Variants in NCALD observed in about 807,000 individuals in gnomAD.
NCALD encodes the protein neurocalcin-delta.
In NCALD, 10 loss-of-function variants were observed where a neutral mutation model predicts 18.6. That is an observed-to-expected ratio of 0.54 (90% confidence interval 0.33 to 0.91). The LOEUF is 0.91. Ranked by LOEUF, NCALD falls within the 40% of genes least tolerant of loss-of-function variation. NCALD has a pLI of 0.03. For synonymous variants in NCALD, 88 were observed against 87.4 expected, an observed-to-expected ratio of 1.01 and a Z score of -0.04; for missense variants, 184 against 247.6, an observed-to-expected ratio of 0.74 and a Z score of 1.72.
At chr8:102,058,597 G>A (rs764188940) in intron 1 of NCALD, among the ~76,000 whole-genome samples, 1 of 152,184 alleles carries the variant, frequency 6.6e-6, no homozygotes, top group Non-Finnish European at 1.5e-5. Context: ...CCATTTCTCA[G>A]CTGTACTCTC....
intron 1 of NCALD, among the ~76,000 whole-genome samples, chr8:102,076,409 A>G (rs1484553479): frequency 2.6e-5 from 4 of 152,216 alleles, no homozygotes; most frequent in Admixed American, 2.0e-4. Flanking sequence ...TACCGGTTAT[A>G]ACAGAAAGCC....
intron 4 of NCALD, among the ~76,000 whole-genome samples, chr8:101,862,227 T>G (rs1296891627): frequency 6.6e-6 from 1 of 152,226 alleles, no homozygotes; most frequent in Non-Finnish European, 1.5e-5. Flanking sequence ...ATGAATAAAA[T>G]TATAAAAATT....
At chr8:101,713,797 C>G (rs1170727420) in intron 2 of NCALD, among the ~76,000 whole-genome samples, 1 of 152,056 alleles carries the variant, frequency 6.6e-6, no homozygotes, top group African/African-American at 2.4e-5. Context: ...TGATAGCCTA[C>G]CAACAAAAAA....
At chr8:102,000,398 G>A (rs1366339795) in intron 2 of NCALD, among the ~76,000 whole-genome samples, 1 of 152,248 alleles carries the variant, frequency 6.6e-6, no homozygotes, top group Non-Finnish European at 1.5e-5. Flanking sequence ...AATCTGGGTA[G>A]AGCCCACTGC....
chr8:101,745,056 C>A (rs1432378425), intron 1 of NCALD, among the ~76,000 whole-genome samples: 1 of 150,064 alleles, frequency 6.7e-6, no homozygotes, highest in Non-Finnish European at 1.5e-5. Context: ...GTGGGGGGGA[C>A]TATTCATTTC....
chr8:101,980,332 T>G (rs1008378507), intron 2 of NCALD, among the ~76,000 whole-genome samples: 1 of 152,182 alleles, frequency 6.6e-6, no homozygotes, highest in African/African-American at 2.4e-5. Context: ...GGGGGAGGCA[T>G]GCACAGTGCA....
At position 101,689,852 on chromosome 8, in the gene NCALD, T is replaced by C. The variant is rs1456968892; in HGVS notation, c.485-446A>G. Among the ~76,000 whole-genome samples, 2 of 152,226 alleles carry C rather than the reference T, an allele frequency of 1.3e-5. No individual in the cohort carries two copies. The highest frequency in any genetic ancestry group is 1.3e-4 in the Admixed American group (2 of 15,284). On this transcript the variant is annotated intron_variant, in intron 3 of 3. Transcript: ENST00000220931. This position sits in a 1 kb window ranked among gnomAD's most constrained non-coding sequence, Gnocchi z 4.4. Reference sequence around the variant, plus strand: ...GTTCCCATAATGTTCCCTGGAGCCTTCTGAGCCACTTCGTGTTCTTCAGGC... The same window carrying C: ...GTTCCCATAATGTTCCCTGGAGCCTCCTGAGCCACTTCGTGTTCTTCAGGC...
intron 2 of NCALD, among the ~76,000 whole-genome samples, chr8:101,701,656 T>G (rs182520234): frequency 6.6e-6 from 1 of 152,210 alleles, no homozygotes; most frequent in South Asian, 2.1e-4. Flanking sequence ...GGTTGTGCAA[T>G]TAACTGAGGG....
At chr8:101,933,317 G>C (rs924702527) in intron 2 of NCALD, among the ~76,000 whole-genome samples, 2 of 152,172 alleles carry the variant, frequency 1.3e-5, no homozygotes, top group African/African-American at 4.8e-5. Flanking sequence ...AGCCATCAGA[G>C]TCAGGGGAGA....
chr8:101,761,784 A>G (rs1441634971), intron 1 of NCALD, among the ~76,000 whole-genome samples: 1 of 152,228 alleles, frequency 6.6e-6, no homozygotes, highest in Non-Finnish European at 1.5e-5. Context: ...TGGCTTAAGC[A>G]TGGCCAGGTG....
chr8:101,921,699 AT>A (rs1818171090), intron 2 of NCALD, among the ~76,000 whole-genome samples: 1 of 152,232 alleles, frequency 6.6e-6, no homozygotes, highest in Non-Finnish European at 1.5e-5. Context: ...AATTATAGCT[AT>A]TAATTTATTT....
chr8:102,105,675 C>T lies in NCALD; in HGVS notation c.-210+18562G>A, dbSNP rs574383293. Among the ~76,000 whole-genome samples the T allele has an allele frequency of 3.3e-5, 5 of 152,138 alleles. No homozygotes were observed. In the East Asian group the frequency reaches 5.8e-4, roughly 18 times the overall value. ...CTGAGAAAGAAAATGGCTCCATTCC[C>T]GATTTTCCAGTCCCTTGTTTTGAAC... is the stretch of plus-strand genomic sequence containing the variant. On this transcript the variant is annotated intron_variant, in intron 1 of 6. Coordinates refer to the NCALD transcript ENST00000311028.
chr8:102,063,989 C>A (rs1298527571), intron 1 of NCALD, among the ~76,000 whole-genome samples: 1 of 152,178 alleles, frequency 6.6e-6, no homozygotes, highest in African/African-American at 2.4e-5. Context: ...TCCCTCAATC[C>A]TGGGAACTGC....
chr8:101,726,014 GC>G (rs1243638544), intron 1 of NCALD, among the ~76,000 whole-genome samples: 1 of 152,086 alleles, frequency 6.6e-6, no homozygotes, highest in Non-Finnish European at 1.5e-5. Flanking sequence ...GAGGCAGGTC[GC>G]CATGGAGATA....
At chr8:101,820,024 C>T (rs1432794152) in intron 4 of NCALD, among the ~76,000 whole-genome samples, 3 of 152,200 alleles carry the variant, frequency 2.0e-5, no homozygotes, top group Non-Finnish European at 2.9e-5. Flanking sequence ...ATTAGGTGAG[C>T]TCTTACTAGC....
intron 4 of NCALD, among the ~76,000 whole-genome samples, chr8:101,809,938 A>T (rs1288874984): frequency 6.6e-6 from 1 of 152,144 alleles, no homozygotes; most frequent in Admixed American, 6.5e-5. Flanking sequence ...GACTTTTATG[A>T]ATCATCACAA....
At chr8:101,821,529 C>G (rs73275587) in intron 4 of NCALD, among the ~76,000 whole-genome samples, 1 of 152,098 alleles carries the variant, frequency 6.6e-6, no homozygotes, top group African/African-American at 2.4e-5. Context: ...CCATGAAGGA[C>G]GCAGAGCCTT....
At chr8:101,858,538 A>G (rs1031850513) in intron 4 of NCALD, among the ~76,000 whole-genome samples, 3 of 152,170 alleles carry the variant, frequency 2.0e-5, no homozygotes, top group Non-Finnish European at 2.9e-5. Flanking sequence ...AGATGTTCTG[A>G]ACGAAAGGCA....
At chr8:102,062,389 CA>C (rs1434272803) in intron 1 of NCALD, among the ~76,000 whole-genome samples, 1 of 152,186 alleles carries the variant, frequency 6.6e-6, no homozygotes, top group Non-Finnish European at 1.5e-5. Flanking sequence ...AATAGTCAAG[CA>C]AAAATTATTG....
Sources: allele counts gnomAD v4.1 joint callset (sites outside exome capture counted in the v4.1 genomes callset), GRCh38; gene constraint gnomAD v4.1.1; non-coding constraint Gnocchi (gnomAD v3.1); transcripts MANE v1.5; gene names NCBI Gene and HGNC (gene_info 2026-07-23, HGNC 2026-07-21).